THSD7A: variants seen among roughly 807,000 people sequenced by gnomAD.
THSD7A encodes thrombospondin type 1 domain containing 7A.
A neutral mutation model predicts 231.3 loss-of-function variants in THSD7A; 96 were observed. The ratio of observed to expected loss-of-function variants is 0.41; its 90% CI spans 0.35 to 0.49. The LOEUF (loss-of-function observed/expected upper bound fraction) is 0.49, where lower values mean the gene tolerates loss of function less well. THSD7A is among the 20% of genes least tolerant of loss of function. The pLI, the probability that THSD7A is intolerant of heterozygous loss-of-function variation, is 0.05. For missense variants in THSD7A, 2,290 were observed against 2,070.2 expected (o/e 1.11, Z -2.06); for synonymous variants, 940 against 743.3 (o/e 1.26, Z -4.30).
intron 6 of THSD7A, among the ~76,000 whole-genome samples, chr7:11,506,409 C>T (rs1286555111): frequency 6.6e-6 from 1 of 152,196 alleles, no homozygotes; most frequent in Non-Finnish European, 1.5e-5. Flanking sequence ...GTACTACATT[C>T]ATTTACATCC....
chr7:11,466,672 C>G (rs1785718701), intron 9 of THSD7A, among the ~76,000 whole-genome samples: 1 of 152,070 alleles, frequency 6.6e-6, no homozygotes, highest in Non-Finnish European at 1.5e-5. Context: ...ATAAAACAGT[C>G]AGCACTCATT....
chr7:11,605,967 AG>A (rs1384511501), intron 2 of THSD7A, among the ~76,000 whole-genome samples: 1 of 152,140 alleles, frequency 6.6e-6, no homozygotes. Flanking sequence ...AATCACATCC[AG>A]GCACCTGGCT....
At chr7:11,380,109 T>C (rs1282506626) in intron 24 of THSD7A, among the ~76,000 whole-genome samples, 1 of 152,204 alleles carries the variant, frequency 6.6e-6, no homozygotes, top group Non-Finnish European at 1.5e-5. Context: ...AGTTTTCACG[T>C]ACTTTGAAAT....
chr7:11,769,149 A>ATTTTTTTTTTTT (rs1245740094), intron 1 of THSD7A, among the ~76,000 whole-genome samples: 2 of 36,300 alleles, frequency 5.5e-5, no homozygotes, highest in Non-Finnish European at 1.2e-4. Flanking sequence ...ATATATATAT[A>ATTTTTTTTTTTT]TATATTTTTT....
intron 1 of THSD7A, among the ~76,000 whole-genome samples, chr7:11,772,203 TAAAACAAAAA>T (rs1783253562): frequency 8.7e-6 from 1 of 115,144 alleles, no homozygotes; most frequent in African/African-American, 3.3e-5. Context: ...ATTAAAAAGT[TAAAACAAAAA>T]AAAACAAAAC....
intron 1 of THSD7A, among the ~76,000 whole-genome samples, chr7:11,674,838 A>T (rs1292861454): frequency 1.3e-5 from 2 of 152,196 alleles, no homozygotes; most frequent in African/African-American, 4.8e-5. Context: ...AATAACAGAC[A>T]CAGAATTGAG....
rs529184162 is a variant in THSD7A, at chr7:11,565,831, C to G, written c.1454-22714G>C. ...TCACCCCAATTCCTCCTCCTTGTACCTCCATTCCTGCCTTGCTTCACTCCA... is the reference window on the plus strand; with the variant it reads ...TCACCCCAATTCCTCCTCCTTGTACGTCCATTCCTGCCTTGCTTCACTCCA... On this transcript the variant is annotated intron_variant, in intron 4 of 27. Coordinates refer to ENST00000423059, the MANE Select transcript of THSD7A (RefSeq NM_015204.3). 9.8e-5 allele frequency among the ~76,000 whole-genome samples: 15 copies of G among 152,304 alleles called. No individual in the cohort carries two copies. In the South Asian group the frequency reaches 2.9e-3, roughly 29 times the overall value.
At chr7:11,381,564 G>GT (rs1180314818) in intron 24 of THSD7A, among the ~76,000 whole-genome samples, 2 of 152,112 alleles carry the variant, frequency 1.3e-5, no homozygotes, top group Non-Finnish European at 1.5e-5. Flanking sequence ...AATGCACACT[G>GT]TTTTTTCCCC....
At chr7:11,527,521 G>C (rs1788527877) in intron 6 of THSD7A, among the ~76,000 whole-genome samples, 2 of 152,080 alleles carry the variant, frequency 1.3e-5, no homozygotes, top group Admixed American at 1.3e-4. Context: ...GATGAAACCA[G>C]TTCTAGAAGA....
intron 23 of THSD7A, among the ~76,000 whole-genome samples, chr7:11,396,056 A>G (rs969107716): frequency 6.6e-6 from 1 of 151,992 alleles, no homozygotes; most frequent in African/African-American, 2.4e-5. Flanking sequence ...GGTAAATAAC[A>G]AAACTAAAGC....
In THSD7A at chr7:11,481,796, C is replaced by A. The variant is rs987645474; in HGVS notation, c.2009G>T (p.Gly670Val). The A allele has an allele frequency of 1.9e-6, 3 of 1,600,052 alleles. No homozygotes were observed. The highest frequency in any genetic ancestry group is 1.7e-5 in the Admixed American group (1 of 58,594). ...IRARSILAYA[G>V]EEGGIRCPNS... Reference sequence around the variant, plus strand: ...TGAAGCTGGCGACTCACCTTCTTCACCCGCATAGGCCAGAATGGATCGTGC... The same window carrying A: ...TGAAGCTGGCGACTCACCTTCTTCAACCGCATAGGCCAGAATGGATCGTGC... The change falls in exon 7 of 28, where the codon GGT becomes GTT. Residue 670 changes from glycine to valine, a missense_variant. Transcript: ENST00000423059.
At position 11,817,155 on chromosome 7, in the gene THSD7A, T is replaced by TCA. The variant is rs1019902734; in HGVS notation, c.190+14600_190+14601dup. On this transcript the variant is annotated intron_variant, in intron 1 of 27. Transcript: ENST00000423059. ...CATGTGAAAGTAGGATATTCATATATCACACACACACACATAATGCATTTC... is the reference window on the plus strand; with the variant it reads ...CATGTGAAAGTAGGATATTCATATATCACACACACACACACATAATGCATTTC... 3.0e-4 allele frequency among the ~76,000 whole-genome samples: 45 copies of TCA among 152,052 alleles called. No homozygotes were observed. The East Asian group carries it at 8.1e-3, about 27-fold the overall frequency.
chr7:11,549,765 G>C (rs573922549), intron 4 of THSD7A, among the ~76,000 whole-genome samples: 1 of 143,140 alleles, frequency 7.0e-6, no homozygotes, highest in Non-Finnish European at 1.5e-5. Context: ...ACTAGGGCCT[G>C]TTGGGGGAGT....
intron 6 of THSD7A, among the ~76,000 whole-genome samples, chr7:11,505,275 TTC>T (rs1277515480): frequency 6.6e-6 from 1 of 152,194 alleles, no homozygotes; most frequent in African/African-American, 2.4e-5. Flanking sequence ...GTCCAAATTC[TTC>T]TCTCAAAATG....
chr7:11,544,563 C>A (rs959115131), intron 4 of THSD7A, among the ~76,000 whole-genome samples: 1 of 152,138 alleles, frequency 6.6e-6, no homozygotes, highest in South Asian at 2.1e-4. Context: ...ATTTAAACTA[C>A]ATTTTCCTAA....
intron 1 of THSD7A, among the ~76,000 whole-genome samples, chr7:11,717,999 T>C (rs1781201285): frequency 6.6e-6 from 1 of 151,578 alleles, no homozygotes; most frequent in African/African-American, 2.4e-5. Flanking sequence ...GAATGACCCT[T>C]CTCAAAACTA....
intron 20 of THSD7A, 125 bp from the exon 21 acceptor site, chr7:11,407,180 G>A: frequency 6.8e-7 from 1 of 1,464,874 alleles, no homozygotes; most frequent in Non-Finnish European, 9.3e-7. Context: ...AGGCTTAGAT[G>A]TTTTGCAAAG....
In THSD7A at chr7:11,422,777, T is replaced by C. The variant is rs1212875713; in HGVS notation, c.3383+1919A>G. Among the ~76,000 whole-genome samples the C allele has an allele frequency of 7.9e-5, 12 of 152,018 alleles. No individual in the cohort carries two copies. The South Asian group carries it at 1.5e-3, about 18-fold the overall frequency. ...AAGCAGTTCTCCTGCCTCAGCCTCCTGAGTAGCTGGGACTACAGGTGCATG... is the reference window on the plus strand; with the variant it reads ...AAGCAGTTCTCCTGCCTCAGCCTCCCGAGTAGCTGGGACTACAGGTGCATG... On this transcript the variant is annotated intron_variant, in intron 16 of 27. Transcript: ENST00000423059.
intron 2 of THSD7A, among the ~76,000 whole-genome samples, chr7:11,595,421 G>T (rs1377648699): frequency 6.6e-6 from 1 of 152,094 alleles, no homozygotes; most frequent in Non-Finnish European, 1.5e-5. Context: ...ACTAAGTAGG[G>T]ATTCTGCATT....
Sources: gnomAD v4.1 joint callset for allele counts (sites outside exome capture counted in the v4.1 genomes callset) on GRCh38, gnomAD v4.1.1 for gene constraint, MANE v1.5 for transcripts, NCBI Gene and HGNC (gene_info 2026-07-23, HGNC 2026-07-21) for gene names.